NALF1: variants seen among roughly 807,000 people sequenced by gnomAD.
The protein encoded by NALF1 is family with sequence similarity 155 member A.
Under a neutral mutation model 48.4 loss-of-function variants are expected in NALF1, and 3 were observed. The observed-to-expected ratio is 0.06, with a 90% CI of 0.03 to 0.16. The LOEUF is 0.16. Ranked by LOEUF, NALF1 falls within the 10% of genes least tolerant of loss-of-function variation. The pLI, the probability that NALF1 is intolerant of heterozygous loss-of-function variation, is 1.00. For synonymous variants in NALF1, 262 were observed against 245.7 expected (o/e 1.07, Z -0.62); for missense variants, 526 against 571.5 (o/e 0.92, Z 0.81).
At chr13:107,682,718 C>T (rs932655162) in intron 1 of NALF1, among the ~76,000 whole-genome samples, 4 of 152,000 alleles carry the variant, frequency 2.6e-5, no homozygotes, top group African/African-American at 4.8e-5. Context: ...GCCAGCCAGC[C>T]GACCTTTGCC....
chr13:107,408,559 C>T (rs147381764), intron 1 of NALF1, among the ~76,000 whole-genome samples: 2,027 of 152,138 alleles, frequency 0.013, 23 homozygotes, highest in South Asian at 0.033. Flanking sequence ...GAACAGTGAA[C>T]AATTCTGAGA....
At chr13:107,314,425 G>C (rs533882954) in intron 1 of NALF1, among the ~76,000 whole-genome samples, 2 of 152,140 alleles carry the variant, frequency 1.3e-5, no homozygotes, top group South Asian at 4.2e-4. Context: ...TTGCACCACT[G>C]TCTATACTCC....
chr13:107,558,057 G>A lies in NALF1; in HGVS notation c.915+307625C>T, dbSNP rs146873680. 4.4e-4 allele frequency among the ~76,000 whole-genome samples: 67 copies of A among 151,472 alleles called. 1 individual carries two copies. The South Asian group carries it at 0.012, about 27-fold the overall frequency. ...ACACAACCCAACCAACCCAAGCTGC[G>A]TCCCTGTTGTCTACACGCAGGTCAC... On this transcript the variant is annotated intron_variant, in intron 1 of 2. Coordinates refer to ENST00000375915, the MANE Select transcript of NALF1 (RefSeq NM_001080396.3).
intron 1 of NALF1, among the ~76,000 whole-genome samples, chr13:107,654,446 G>T (rs1275345708): frequency 6.6e-6 from 1 of 152,052 alleles, no homozygotes; most frequent in African/African-American, 2.4e-5. Context: ...ATTAAGCCAG[G>T]AATATATAGA....
chr13:107,379,934 A>C (rs1356441912), intron 1 of NALF1, among the ~76,000 whole-genome samples: 1 of 152,238 alleles, frequency 6.6e-6, no homozygotes, highest in Non-Finnish European at 1.5e-5. Flanking sequence ...GAGATGCCAG[A>C]CATGTCGAGA....
At chr13:107,684,280 T>G (rs538205731) in intron 1 of NALF1, among the ~76,000 whole-genome samples, 1 of 152,324 alleles carries the variant, frequency 6.6e-6, no homozygotes, top group Admixed American at 6.5e-5. Flanking sequence ...CTAAGGGGTC[T>G]CAGAAGAGTT....
chr13:107,520,555 C>CT (rs1876204738), intron 1 of NALF1, among the ~76,000 whole-genome samples: 1 of 152,214 alleles, frequency 6.6e-6, no homozygotes, highest in South Asian at 2.1e-4. Flanking sequence ...GTAGCTAACG[C>CT]TTATTAAAGA....
intron 1 of NALF1, among the ~76,000 whole-genome samples, chr13:107,836,149 C>T (rs771264369): frequency 6.6e-6 from 1 of 152,092 alleles, no homozygotes; most frequent in Non-Finnish European, 1.5e-5. Flanking sequence ...CATCACCATG[C>T]TCGACTAATT....
chr13:107,811,771 A>G (rs527524258), intron 1 of NALF1, among the ~76,000 whole-genome samples: 2 of 152,272 alleles, frequency 1.3e-5, no homozygotes, highest in South Asian at 4.1e-4. Flanking sequence ...CTCATGGTGG[A>G]AAGGCGATAA....
chr13:107,567,552 T>C (rs748839770), intron 1 of NALF1, among the ~76,000 whole-genome samples: 1 of 152,228 alleles, frequency 6.6e-6, no homozygotes, highest in Non-Finnish European at 1.5e-5. Flanking sequence ...ACATATTTTC[T>C]ACAACTAAGG....
At chr13:107,541,399 CA>C (rs1484716457) in intron 1 of NALF1, among the ~76,000 whole-genome samples, 1 of 152,066 alleles carries the variant, frequency 6.6e-6, no homozygotes, top group Non-Finnish European at 1.5e-5. Flanking sequence ...AAAAGAAGGG[CA>C]TTTAATCAAA....
intron 1 of NALF1, among the ~76,000 whole-genome samples, chr13:107,534,845 A>G (rs180957074): frequency 2.0e-5 from 3 of 152,230 alleles, no homozygotes; most frequent in Non-Finnish European, 4.4e-5. Flanking sequence ...TTGTATGGTA[A>G]AGTACAGAGT....
chr13:107,399,951 T>C (rs1344306329), intron 1 of NALF1, among the ~76,000 whole-genome samples: 2 of 152,190 alleles, frequency 1.3e-5, no homozygotes, highest in East Asian at 3.9e-4. Flanking sequence ...ATAATGCTCT[T>C]TTTAAAAGAC....
chr13:107,463,888 T>C (rs1278892794), intron 1 of NALF1, among the ~76,000 whole-genome samples: 3 of 152,222 alleles, frequency 2.0e-5, no homozygotes, highest in African/African-American at 7.2e-5. Flanking sequence ...GAAGGCTCAG[T>C]TTCTTGCCCT....
chr13:107,598,260 T>A (rs1477693811), intron 1 of NALF1, among the ~76,000 whole-genome samples: 1 of 152,204 alleles, frequency 6.6e-6, no homozygotes, highest in Non-Finnish European at 1.5e-5. Flanking sequence ...CTCTTGGTTT[T>A]CCACCTTTAT....
intron 1 of NALF1, among the ~76,000 whole-genome samples, chr13:107,630,280 A>G (rs930512972): frequency 3.9e-5 from 6 of 152,106 alleles, no homozygotes; most frequent in African/African-American, 1.4e-4. Context: ...CTTTGAATCC[A>G]CTGCACAATT....
rs376094655 is a variant in NALF1 at position 107,566,530 on chromosome 13, G to A, written c.915+299152C>T. On this transcript the variant is annotated intron_variant, in intron 1 of 2. Transcript: ENST00000375915. ...CTAAGCAGCCAACGTGATCCAACAAGAAGCAGGTCCAAGGGCACTAGGCAG... is the reference window on the plus strand; with the variant it reads ...CTAAGCAGCCAACGTGATCCAACAAAAAGCAGGTCCAAGGGCACTAGGCAG... 1.8e-4 allele frequency among the ~76,000 whole-genome samples: 28 copies of A among 152,280 alleles called. No individual in the cohort carries two copies. The East Asian group carries it at 4.1e-3, about 22-fold the overall frequency.
chr13:107,403,188 CTTTTTTTTTTTTTTT>C lies in NALF1; in HGVS notation c.916-192448_916-192434del, dbSNP rs10710356. Among the ~76,000 whole-genome samples, 7 of 42,488 alleles carry C rather than the reference CTTTTTTTTTTTTTTT, an allele frequency of 1.6e-4. 1 individual carries two copies. Among genetic ancestry groups the C allele is most frequent in the East Asian group, 1.8e-3 (2 of 1,084 alleles). The allele number at this position is 42,488 out of a possible 152,430, so 27.9% of individuals were successfully genotyped here. A position where few individuals can be genotyped will look rare whatever the true frequency, so the allele number is the denominator to read the frequency against. On this transcript the variant is annotated intron_variant, in intron 1 of 2. Coordinates refer to ENST00000375915, the MANE Select transcript of NALF1 (RefSeq NM_001080396.3). ...TTCTGCTTGGTTTCTCTTGTTCGGG[CTTTTTTTTTTTTTTT>C]TTTTTTTTTTTTTTTATCATTTTCG... is the stretch of plus-strand genomic sequence containing the variant.
intron 1 of NALF1, chr13:107,466,567 G>A (rs1427106304): frequency 6.6e-6 from 1 of 151,694 alleles, no homozygotes; most frequent in Non-Finnish European, 1.5e-5. Flanking sequence ...GAGCAAATGA[G>A]TCAAGGCACT....
Sources: gnomAD v4.1 joint callset for allele counts (sites outside exome capture counted in the v4.1 genomes callset) on GRCh38, gnomAD v4.1.1 for gene constraint, MANE v1.5 for transcripts, NCBI Gene and HGNC (gene_info 2026-07-23, HGNC 2026-07-21) for gene names.